ESRRG: variants seen among roughly 807,000 people sequenced by gnomAD.
ESRRG encodes the protein estrogen-related receptor gamma.
ESRRG carries 13 observed loss-of-function variants against 44.0 expected under a neutral mutation model. The ratio of observed to expected loss-of-function variants is 0.30; its 90% CI spans 0.19 to 0.47. The LOEUF (loss-of-function observed/expected upper bound fraction) is 0.47. ESRRG is among the 20% of genes least tolerant of loss of function. The pLI is 1.00. For synonymous variants in ESRRG, 215 were observed against 214.6 expected (o/e 1.00, Z -0.02); for missense variants, 395 against 580.6 (o/e 0.68, Z 3.29).
intron 3 of ESRRG, among the ~76,000 whole-genome samples, chr1:216,594,656 G>A (rs1205284979): frequency 1.3e-5 from 2 of 152,122 alleles, no homozygotes; most frequent in East Asian, 1.9e-4. Flanking sequence ...CAGCTCTATC[G>A]TTTTCTTGCT....
chr1:216,972,145 C>T (rs192940663), intron 1 of ESRRG, among the ~76,000 whole-genome samples: 2 of 152,204 alleles, frequency 1.3e-5, no homozygotes, highest in South Asian at 2.1e-4. Flanking sequence ...AATTGGAGTG[C>T]CAGTTGGCTT....
intron 1 of ESRRG, among the ~76,000 whole-genome samples, chr1:217,013,969 C>T (rs1579493282): frequency 1.3e-5 from 2 of 152,156 alleles, no homozygotes; most frequent in African/African-American, 4.8e-5. Context: ...ATTTAGTGCC[C>T]ACCTAGGTAA....
intron 2 of ESRRG, among the ~76,000 whole-genome samples, chr1:216,890,854 C>T (rs1227367834): frequency 6.6e-6 from 1 of 152,182 alleles, no homozygotes; most frequent in African/African-American, 2.4e-5. Context: ...GTGCATGTCT[C>T]TCCTATCGCA....
intron 5 of ESRRG, among the ~76,000 whole-genome samples, chr1:216,541,977 T>C (rs891977713): frequency 2.6e-5 from 4 of 151,676 alleles, no homozygotes; most frequent in Non-Finnish European, 5.9e-5. Context: ...GCCCAAGACG[T>C]TCCCTGGTAA....
chr1:216,630,498 C>T (rs543444103), intron 3 of ESRRG, among the ~76,000 whole-genome samples: 10 of 151,638 alleles, frequency 6.6e-5, no homozygotes, highest in South Asian at 2.1e-4. Context: ...TAGGAAAAGG[C>T]GTCTACCTCT....
chr1:216,537,736 C>A (rs1174632942), intron 5 of ESRRG, among the ~76,000 whole-genome samples: 1 of 152,064 alleles, frequency 6.6e-6, no homozygotes, highest in Non-Finnish European at 1.5e-5. Context: ...AGCATTCTCA[C>A]TAAAACCTTA....
At chr1:216,887,353 G>A (rs2096530242) in intron 2 of ESRRG, among the ~76,000 whole-genome samples, 1 of 152,102 alleles carries the variant, frequency 6.6e-6, no homozygotes, top group Admixed American at 6.5e-5. Flanking sequence ...TTAATTTCAT[G>A]GAACTGATTT....
At chr1:216,624,334 C>G (rs1166835021) in intron 3 of ESRRG, among the ~76,000 whole-genome samples, 1 of 152,140 alleles carries the variant, frequency 6.6e-6, no homozygotes, top group South Asian at 2.1e-4. Flanking sequence ...TAATAGTAGA[C>G]AGTTTAGGAC....
intron 1 of ESRRG, among the ~76,000 whole-genome samples, chr1:217,056,632 C>G (rs1054340733): frequency 6.6e-6 from 1 of 151,388 alleles, no homozygotes; most frequent in Non-Finnish European, 1.5e-5. Context: ...ATTTACAATA[C>G]TATGAGGGTA....
intron 1 of ESRRG, among the ~76,000 whole-genome samples, chr1:216,692,214 G>A (rs2079171720): frequency 6.6e-6 from 1 of 151,990 alleles, no homozygotes; most frequent in African/African-American, 2.4e-5. Context: ...AAAGCTTCAT[G>A]CATGCTACCG....
At chr1:216,890,986 C>T (rs955281031) in intron 2 of ESRRG, among the ~76,000 whole-genome samples, 1 of 152,074 alleles carries the variant, frequency 6.6e-6, no homozygotes, top group Non-Finnish European at 1.5e-5. Flanking sequence ...AATGATTACA[C>T]GATCTTATTT....
At chr1:217,045,290 G>A (rs890218301) in intron 1 of ESRRG, among the ~76,000 whole-genome samples, 6 of 152,074 alleles carry the variant, frequency 3.9e-5, no homozygotes, top group Non-Finnish European at 7.4e-5. Context: ...GATTGTAAAC[G>A]ACAAAAACCC....
intron 1 of ESRRG, among the ~76,000 whole-genome samples, chr1:216,950,274 T>A (rs1030855): frequency 0.68 from 103,672 of 152,016 alleles, 37,650 homozygotes; most frequent in Middle Eastern, 0.83. Context: ...GAGATGACTA[T>A]CTTCCAATTC....
chr1:216,945,048 G>C (rs1448531370), intron 1 of ESRRG, among the ~76,000 whole-genome samples: 1 of 152,068 alleles, frequency 6.6e-6, no homozygotes, highest in Non-Finnish European at 1.5e-5. Flanking sequence ...CTCTTCATTA[G>C]ATCAGTCAGC....
intron 3 of ESRRG, among the ~76,000 whole-genome samples, chr1:216,590,385 A>C (rs1418471255): frequency 6.6e-6 from 1 of 152,182 alleles, no homozygotes; most frequent in Non-Finnish European, 1.5e-5. Flanking sequence ...AGTGCTTTAC[A>C]CTGAACATTA....
intron 1 of ESRRG, among the ~76,000 whole-genome samples, chr1:217,135,666 T>A (rs983362309): frequency 2.0e-5 from 3 of 152,176 alleles, no homozygotes; most frequent in Non-Finnish European, 2.9e-5. Flanking sequence ...TCTTTGCCAC[T>A]ACCAGAGGGT....
intron 1 of ESRRG, among the ~76,000 whole-genome samples, chr1:216,678,072 G>T (rs1312340601): frequency 6.6e-6 from 1 of 152,140 alleles, no homozygotes; most frequent in African/African-American, 2.4e-5. Context: ...GCATAACTGT[G>T]TCTTATTGAT....
intron 1 of ESRRG, among the ~76,000 whole-genome samples, chr1:217,063,297 T>A (rs2088941847): frequency 6.6e-6 from 1 of 152,216 alleles, no homozygotes; most frequent in African/African-American, 2.4e-5. Context: ...TCTCCTACTG[T>A]GAAGTAACTG....
At chr1:216,891,858 G>C (rs978288744) in intron 2 of ESRRG, among the ~76,000 whole-genome samples, 33 of 143,398 alleles carry the variant, frequency 2.3e-4, no homozygotes, top group Non-Finnish European at 4.8e-4. Flanking sequence ...AGAGTGCAGT[G>C]GCACCATCTC....
Sources: gnomAD v4.1 joint callset for allele counts (sites outside exome capture counted in the v4.1 genomes callset) on GRCh38, gnomAD v4.1.1 for gene constraint, MANE v1.5 for transcripts, NCBI Gene and HGNC (gene_info 2026-07-23, HGNC 2026-07-21) for gene names.